C3AR1: variants seen among roughly 807,000 people sequenced by gnomAD.
C3AR1 encodes complement C3a receptor 1, also known as C3a anaphylatoxin chemotactic receptor.
For synonymous variants in C3AR1, 208 were observed against 225.3 expected (o/e 0.92, Z 0.69); for missense variants, 579 against 583.5 (o/e 0.99, Z 0.08).
Position 8,059,039 on chromosome 12 carries a change from C to G in C3AR1, c.1147G>C (p.Val383Leu). 1 of 1,614,192 alleles carries G rather than the reference C, an allele frequency of 6.2e-7. No homozygotes were observed. The highest frequency in any genetic ancestry group is 1.3e-5 in the African/African-American group (1 of 75,062). Residue 383 changes from valine (V) to leucine (L), a missense_variant, in exon 2 of 2, where the codon GTG becomes CTG. By Grantham distance (32) the Val-to-Leu change is conservative. Coordinates refer to ENST00000307637, the MANE Select transcript of C3AR1 (RefSeq NM_004054.4). ...GTCCAGCAGACAAGAAAGACAGCCA[C>G]CACCACCACGGCCACTCGAAAGGTT... Reference protein sequence around the residue: ...SKTFRVAVVVVAVFLVCWTPY... With the variant: ...SKTFRVAVVVLAVFLVCWTPY...
chr12:8,059,836 C>T lies in C3AR1; in HGVS notation c.350G>A (p.Ser117Asn). The stretch of plus-strand genomic sequence containing the variant: ...GAATACCACAAGACAGCGATCCAGG[C>T]TAATGGCAGTAAGCAGGAAGACACT... ...FASVFLLTAI[S>N]LDRCLVVFKP... The change falls in exon 2 of 2, where the codon AGC becomes AAC. Residue 117 changes from serine (S) to asparagine (N), a missense_variant. Coordinates refer to ENST00000307637, the MANE Select transcript of C3AR1 (RefSeq NM_004054.4). 1.9e-6 allele frequency: 3 copies of T among 1,614,100 alleles called. No individual in the cohort carries two copies. Among genetic ancestry groups the T allele is most frequent in the South Asian group, 1.1e-5 (1 of 91,066 alleles).
Position 8,059,775 on chromosome 12 carries a change from C to T in C3AR1, c.411G>A (p.Gly137=), listed in dbSNP as rs776413209. 2.5e-6 allele frequency: 4 copies of T among 1,614,136 alleles called. No individual in the cohort carries two copies. Among genetic ancestry groups the T allele is most frequent in the East Asian group, 4.5e-5 (2 of 44,884 alleles). ...TACATCCACAGATAGAGCAGGCCAT[C>T]CCTACATTGCGATGATTCTGACACC... ...PIWCQNHRNV[G]MACSICGCIW... The change falls in exon 2 of 2, where the codon GGG becomes GGA. Residue 137 remains glycine, a synonymous_variant. Coordinates refer to ENST00000307637, the MANE Select transcript of C3AR1 (RefSeq NM_004054.4).
rs752673671 is a variant in C3AR1 at position 8,060,006 on chromosome 12, C to T, written c.180G>A (p.Trp60Ter). 35 of 1,613,938 alleles carry T rather than the reference C, an allele frequency of 2.2e-5. No individual in the cohort carries two copies. Among genetic ancestry groups the T allele is most frequent in the South Asian group, 8.8e-5 (8 of 91,076 alleles). ...GGTCCGCCAAGGTGAGGTGGAGGAA[C>T]CAAATTGTGTTCACTGTCCGCTGCA... is the stretch of plus-strand genomic sequence containing the variant. ...LKMQRTVNTI[W>*]FLHLTLADLL... is the part of the protein sequence containing the mutation. The change falls in exon 2 of 2, where the codon TGG (tryptophan) becomes TGA (stop). Residue 60 changes from tryptophan to a stop codon, truncating the protein, a stop_gained. Coordinates refer to ENST00000307637, the MANE Select transcript of C3AR1 (RefSeq NM_004054.4). LOFTEE classifies it low-confidence loss of function (END_TRUNC).
At position 8,060,388 on chromosome 12, in the gene C3AR1, A is replaced by G. The variant is rs546218763; in HGVS notation, c.-10-193T>C. 3.3e-5 allele frequency among the ~76,000 whole-genome samples: 5 copies of G among 152,130 alleles called. 1 individual carries two copies. Among genetic ancestry groups the G allele is most frequent in the African/African-American group, 1.2e-4 (5 of 41,500 alleles). The stretch of plus-strand genomic sequence containing the variant: ...CATTCTCTGATAGACAATTATATTT[A>G]TTTATTAATTTATTAATTATTTTTC... On this transcript the variant is annotated intron_variant, in intron 1 of 1. Coordinates refer to ENST00000307637, the MANE Select transcript of C3AR1 (RefSeq NM_004054.4).
rs1402063942 is a variant in C3AR1, at chr12:8,058,899, G to GC, written c.1286dup (p.Cys429TrpfsTer3). 24 of 1,614,050 alleles carry GC rather than the reference G, an allele frequency of 1.5e-5. No homozygotes were observed. Among genetic ancestry groups the GC allele is most frequent in the Non-Finnish European group, 1.7e-6 (2 of 1,180,022 alleles). ...AGAGGGCATAAAGGAAGGGATTAAA[G>GC]CAACTATTGGCAGATGCTAGAGCAA... On this transcript the variant is annotated frameshift_variant, in exon 2 of 2. Transcript: ENST00000307637. LOFTEE classifies it high-confidence loss of function.
At chr12:8,066,229 A>G (rs1947329550) in intron 1 of C3AR1, 49 bp downstream of exon 1, 1 of 152,228 alleles carries the variant, frequency 6.6e-6, no homozygotes, top group Non-Finnish European at 1.5e-5. Context: ...ACCTATAATG[A>G]GCAAAACAGG....
intron 1 of C3AR1, among the ~76,000 whole-genome samples, chr12:8,064,941 T>G (rs1947315142): frequency 6.6e-6 from 1 of 151,976 alleles, no homozygotes; most frequent in South Asian, 2.1e-4. Flanking sequence ...CTCAAACTCC[T>G]GGACTCAAGC....
chr12:8,060,220 AAAAC>A, intron 1 of C3AR1, 25 bp from the exon 2 acceptor site: 2 of 1,534,606 alleles, frequency 1.3e-6, no homozygotes, highest in South Asian at 2.5e-5. Context: ...AAAAAATGTT[AAAAC>A]AAACAGTATC....
chr12:8,062,127 A>G (rs1189297622), intron 1 of C3AR1, among the ~76,000 whole-genome samples: 4 of 152,220 alleles, frequency 2.6e-5, no homozygotes, highest in Non-Finnish European at 5.9e-5. Context: ...AAGGCTGAAT[A>G]ATATTCCATT....
At position 8,058,846 on chromosome 12, in the gene C3AR1, C is replaced by T; in HGVS notation, c.1340G>A (p.Arg447Lys). 6.2e-7 allele frequency: 1 copy of T among 1,614,154 alleles called. No homozygotes were observed. Among genetic ancestry groups the T allele is most frequent in the East Asian group, 2.2e-5 (1 of 44,890 alleles). Residue 447 changes from arginine (R) to lysine (K), a missense_variant, in exon 2 of 2, where the codon AGG becomes AAG. Arg to Lys is a conservative substitution (Grantham distance 26). Transcript: ENST00000307637. ...LLGKDFRKKARQSIQGILEAA... is the reference protein window; with the variant it reads ...LLGKDFRKKAKQSIQGILEAA... ...CTCCAGAATTCCCTGAATGGACTGC[C>T]TTGCTTTCTTCCTAAAATCTTTCCC... is the stretch of plus-strand genomic sequence containing the variant.
At position 8,058,824 on chromosome 12, in the gene C3AR1, C is replaced by T. The variant is rs1419793906; in HGVS notation, c.1362G>A (p.Leu454=). The part of the protein sequence containing the change: ...KKARQSIQGI[L]EAAFSEELTR... ...TGAGCTCCTCACTGAAGGCTGCCTCCAGAATTCCCTGAATGGACTGCCTTG... is the reference window on the plus strand; with the variant it reads ...TGAGCTCCTCACTGAAGGCTGCCTCTAGAATTCCCTGAATGGACTGCCTTG... Residue 454 remains leucine, a synonymous_variant, in exon 2 of 2, where the codon CTG becomes CTA. Transcript: ENST00000307637. 6.2e-7 allele frequency: 1 copy of T among 1,614,190 alleles called. No homozygotes were observed. Among genetic ancestry groups the T allele is most frequent in the Admixed American group, 1.7e-5 (1 of 60,030 alleles).
chr12:8,064,546 G>A (rs1947309630), intron 1 of C3AR1, among the ~76,000 whole-genome samples: 1 of 151,936 alleles, frequency 6.6e-6, no homozygotes, highest in African/African-American at 2.4e-5. Context: ...AAAATTAGGT[G>A]GGCATGGTGG....
chr12:8,059,284 G>C lies in C3AR1; in HGVS notation c.902C>G (p.Ser301Cys), dbSNP rs749811098. ...STHLKLFPSA[S>C]SNSFYESELP... ...CTCAGACTCGTAGAAGGAATTGCTA[G>C]AAGCGCTAGGGAACAGCTTTAAATG... Residue 301 changes from serine (S) to cysteine (C), a missense_variant, in exon 2 of 2, where the codon TCT (serine) becomes TGT (cysteine). Physicochemically the swap from Ser to Cys is moderately radical, Grantham distance 112. Coordinates refer to ENST00000307637, the MANE Select transcript of C3AR1 (RefSeq NM_004054.4). 1.2e-6 allele frequency: 2 copies of C among 1,614,180 alleles called. No homozygotes were observed. Among genetic ancestry groups the C allele is most frequent in the Non-Finnish European group, 1.7e-6 (2 of 1,180,014 alleles).
At chr12:8,064,354 A>G (rs1260004789) in intron 1 of C3AR1, among the ~76,000 whole-genome samples, 3 of 152,218 alleles carry the variant, frequency 2.0e-5, no homozygotes, top group Non-Finnish European at 4.4e-5. Context: ...ATAGGGCCTC[A>G]TATGATTAGC....
intron 1 of C3AR1, among the ~76,000 whole-genome samples, chr12:8,062,924 C>A (rs1295168194): frequency 6.8e-6 from 1 of 146,204 alleles, no homozygotes; most frequent in Non-Finnish European, 1.5e-5. Flanking sequence ...GTTGGGATTA[C>A]AGGCGTGAGC....
At position 8,059,723 on chromosome 12, in the gene C3AR1, T is replaced by C; in HGVS notation, c.463A>G (p.Ile155Val). 1 of 1,614,076 alleles carries C rather than the reference T, an allele frequency of 6.2e-7. No homozygotes were observed. The highest frequency in any genetic ancestry group is 1.7e-5 in the Admixed American group (1 of 60,018). Reference sequence around the variant, plus strand: ...ATTTCCCGGTACACGAACACAGGAATGCACATCACAAAAGCCACCACCCAG... The same window carrying C: ...ATTTCCCGGTACACGAACACAGGAACGCACATCACAAAAGCCACCACCCAG... Reference protein sequence around the residue: ...CIWVVAFVMCIPVFVYREIFT... With the variant: ...CIWVVAFVMCVPVFVYREIFT... The change falls in exon 2 of 2, where the codon ATT becomes GTT. Residue 155 changes from isoleucine (I) to valine (V), a missense_variant. Transcript: ENST00000307637.
chr12:8,066,092 T>G (rs1400431623), intron 1 of C3AR1, 186 bp downstream of exon 1: 2 of 151,560 alleles, frequency 1.3e-5, no homozygotes, highest in Non-Finnish European at 3.0e-5. Flanking sequence ...TATGAAAATA[T>G]TAAAAGCAAA....
Position 8,058,928 on chromosome 12 carries a change from A to G in C3AR1, c.1258T>C (p.Cys420Arg), listed in dbSNP as rs1400127962. The G allele has an allele frequency of 1.9e-6, 3 of 1,614,056 alleles. No homozygotes were observed. In the African/African-American group the frequency reaches 4.0e-5, roughly 22 times the overall value. The change falls in exon 2 of 2, where the codon TGC becomes CGC. Residue 420 changes from cysteine (C) to arginine (R), a missense_variant. Cys to Arg is a radical substitution (Grantham distance 180). Transcript: ENST00000307637. ...CTATTGGCAGATGCTAGAGCAATGC[A>G]TACATGATCCCAGGACATCAGAGTT... Reference protein sequence around the residue: ...GKTLMSWDHVCIALASANSCF... With the variant: ...GKTLMSWDHVRIALASANSCF...
chr12:8,062,579 T>C (rs1947285615), intron 1 of C3AR1, among the ~76,000 whole-genome samples: 1 of 152,242 alleles, frequency 6.6e-6, no homozygotes, highest in African/African-American at 2.4e-5. Context: ...TAGCATAATT[T>C]CTCTTTTTCA....
Sources: gnomAD v4.1 joint callset for allele counts (sites outside exome capture counted in the v4.1 genomes callset) on GRCh38, gnomAD v4.1.1 for gene constraint, MANE v1.5 for transcripts, NCBI Gene and HGNC (gene_info 2026-07-23, HGNC 2026-07-21) for gene names.